The following CNTN4 variants were observed in gnomAD, a reference collection of about 807,000 sequenced individuals.
The protein encoded by CNTN4 is contactin 4, also known as contactin-4.
CNTN4 carries 77 observed loss-of-function variants against 122.5 expected under a neutral mutation model. That is an observed-to-expected ratio of 0.63 (90% CI 0.52 to 0.76). CNTN4 has a LOEUF of 0.76. Among genes scored for constraint, CNTN4 ranks in the 30% least tolerant of loss-of-function variants. CNTN4 has a pLI of 0.00. For missense variants in CNTN4, 1,256 were observed against 1,259.1 expected, an observed-to-expected ratio of 1.00 and a Z score of 0.04; for synonymous variants, 512 against 447.0, an observed-to-expected ratio of 1.15 and a Z score of -1.83.
chr3:2,202,453 G>A (rs1161769191), intron 2 of CNTN4, among the ~76,000 whole-genome samples: 1 of 152,118 alleles, frequency 6.6e-6, no homozygotes, highest in Non-Finnish European at 1.5e-5. Context: ...AGGCAGGATT[G>A]TTAAAATAGG....
intron 12 of CNTN4, among the ~76,000 whole-genome samples, chr3:2,917,243 T>C (rs1000612084): frequency 6.6e-5 from 10 of 151,728 alleles, no homozygotes; most frequent in Admixed American, 6.6e-4. Context: ...TGAGCCGAGA[T>C]GGCAGCAGCA....
intron 4 of CNTN4, among the ~76,000 whole-genome samples, chr3:2,640,303 C>T (rs2082844599): frequency 1.3e-5 from 2 of 152,192 alleles, no homozygotes; most frequent in South Asian, 4.1e-4. Flanking sequence ...AAACTGTACT[C>T]TAACACTGTA....
rs776570295 is a variant in CNTN4, at chr3:3,030,944, G to T, written c.1752G>T (p.Arg584Ser). 1.2e-6 allele frequency: 2 copies of T among 1,614,034 alleles called. No individual in the cohort carries two copies. The highest frequency in any genetic ancestry group is 1.7e-6 in the Non-Finnish European group (2 of 1,179,912). Residue 584 changes from arginine (R) to serine (S), a missense_variant, in exon 16 of 25, where the codon AGG becomes AGT. Transcript: ENST00000418658. Reference sequence around the variant, plus strand: ...GCATGGTCCAAACAAGTGTGGACAGGCTATCTGCTGCTGCAGACCTGATTG... The same window carrying T: ...GCATGGTCCAAACAAGTGTGGACAGTCTATCTGCTGCTGCAGACCTGATTG... ...YVCMVQTSVDRLSAAADLIVR... is the reference protein window; with the variant it reads ...YVCMVQTSVDSLSAAADLIVR...
chr3:2,121,962 G>A (rs192226673), intron 2 of CNTN4, among the ~76,000 whole-genome samples: 2 of 152,070 alleles, frequency 1.3e-5, no homozygotes, highest in African/African-American at 4.8e-5. Flanking sequence ...TCAGGAGATC[G>A]AGACCACGGT....
At chr3:2,584,119 TTAATAA>T (rs1414418297) in intron 4 of CNTN4, among the ~76,000 whole-genome samples, 1 of 152,214 alleles carries the variant, frequency 6.6e-6, no homozygotes, top group Non-Finnish European at 1.5e-5. Flanking sequence ...TAGTCAGCAC[TTAATAA>T]TAATGTCTAT....
intron 3 of CNTN4, among the ~76,000 whole-genome samples, chr3:2,417,430 T>A (rs1208146067): frequency 6.6e-6 from 1 of 152,148 alleles, no homozygotes; most frequent in Non-Finnish European, 1.5e-5. Flanking sequence ...AAATACTGAG[T>A]TTGCACTGAG....
chr3:2,619,541 A>T (rs188844395), intron 4 of CNTN4, among the ~76,000 whole-genome samples: 91 of 152,296 alleles, frequency 6.0e-4, no homozygotes, highest in African/African-American at 2.1e-3. Context: ...TGTTGATCAG[A>T]GACAAAGGGT....
intron 4 of CNTN4, among the ~76,000 whole-genome samples, chr3:2,637,235 C>A (rs1463252540): frequency 1.3e-5 from 2 of 152,084 alleles, no homozygotes. Flanking sequence ...AGCCACCGTA[C>A]CTGGCCTCCA....
At chr3:2,898,621 A>G (rs1358594775) in intron 10 of CNTN4, among the ~76,000 whole-genome samples, 1 of 152,226 alleles carries the variant, frequency 6.6e-6, no homozygotes. Flanking sequence ...CCCAAGTGTT[A>G]CAGGAAATCT....
intron 4 of CNTN4, among the ~76,000 whole-genome samples, chr3:2,579,493 G>A (rs2079840731): frequency 6.6e-6 from 1 of 151,856 alleles, no homozygotes; most frequent in Non-Finnish European, 1.5e-5. Flanking sequence ...CCACTTATGA[G>A]TTGTGTGATA....
chr3:2,656,970 T>A, intron 4 of CNTN4, among the ~76,000 whole-genome samples: 1 of 152,172 alleles, frequency 6.6e-6, no homozygotes, highest in East Asian at 1.9e-4. Flanking sequence ...CTATACATAA[T>A]GAAAAATAGT....
chr3:2,946,881 C>T (rs890264963), intron 13 of CNTN4, among the ~76,000 whole-genome samples: 8 of 151,790 alleles, frequency 5.3e-5, no homozygotes, highest in African/African-American at 1.7e-4. Flanking sequence ...AATTTCTTAA[C>T]GTTTTGTAGC....
chr3:2,771,724 A>T (rs1173438599), intron 6 of CNTN4, among the ~76,000 whole-genome samples: 1 of 152,232 alleles, frequency 6.6e-6, no homozygotes, highest in Non-Finnish European at 1.5e-5. Context: ...AAGATCTTGT[A>T]CTTTAGTGGA....
At chr3:2,745,280 A>G (rs2089691386) in intron 5 of CNTN4, among the ~76,000 whole-genome samples, 1 of 152,192 alleles carries the variant, frequency 6.6e-6, no homozygotes, top group Non-Finnish European at 1.5e-5. Context: ...TAGTCAGAAG[A>G]ACATTTTAAT....
rs1576638680 is a variant in CNTN4, at chr3:2,745,507, A to G, written c.183-15A>G. On this transcript the variant is annotated splice_polypyrimidine_tract_variant and intron_variant, in intron 5 of 24. Coordinates refer to ENST00000418658, the MANE Select transcript of CNTN4 (RefSeq NM_175607.3). ...ATATGACAAGACTTTATCTACTGGC[A>G]TTTTTATACTATAGGTGGAAGTTAA... The G allele has an allele frequency of 1.2e-6, 2 of 1,608,174 alleles. No homozygotes were observed.
At chr3:2,229,039 G>T (rs934349241) in intron 2 of CNTN4, among the ~76,000 whole-genome samples, 1 of 152,004 alleles carries the variant, frequency 6.6e-6, no homozygotes, top group African/African-American at 2.4e-5. Flanking sequence ...TTTTGAGGAC[G>T]CTAATGCATT....
chr3:2,273,793 C>T (rs977052399), intron 2 of CNTN4, among the ~76,000 whole-genome samples: 2 of 152,048 alleles, frequency 1.3e-5, no homozygotes, highest in African/African-American at 4.8e-5. Flanking sequence ...TGTGGTACCA[C>T]CATTTGTTAT....
At chr3:2,415,303 AG>A (rs2047373635) in intron 3 of CNTN4, among the ~76,000 whole-genome samples, 1 of 152,196 alleles carries the variant, frequency 6.6e-6, no homozygotes, top group South Asian at 2.1e-4. Flanking sequence ...TGGTTTGTAA[AG>A]GGCCCCATAA....
chr3:2,591,352 C>CTTTTTTTTT (rs71058629), intron 4 of CNTN4, among the ~76,000 whole-genome samples: 6 of 36,392 alleles, frequency 1.6e-4, no homozygotes, highest in African/African-American at 5.8e-4. Flanking sequence ...AGATTTGTGA[C>CTTTTTTTTT]TTTTTTTTTT....
Sources: gnomAD v4.1 joint callset for allele counts (sites outside exome capture counted in the v4.1 genomes callset) on GRCh38, gnomAD v4.1.1 for gene constraint, MANE v1.5 for transcripts, NCBI Gene and HGNC (gene_info 2026-07-23, HGNC 2026-07-21) for gene names.